Variants in CSF1 observed in about 807,000 individuals in gnomAD.
CSF1 encodes the protein macrophage colony-stimulating factor 1.
In CSF1, 9 loss-of-function variants were observed where a neutral mutation model predicts 48.9. The observed-to-expected ratio is 0.18, with a 90% CI of 0.11 to 0.32. The LOEUF (loss-of-function observed/expected upper bound fraction) is 0.32. Ranked by LOEUF, CSF1 falls within the 10% of genes least tolerant of loss-of-function variation. CSF1 has a pLI of 1.00. For missense variants in CSF1, 672 were observed against 697.9 expected, an observed-to-expected ratio of 0.96 and a Z score of 0.42; for synonymous variants, 305 against 284.1, an observed-to-expected ratio of 1.07 and a Z score of -0.74.
In CSF1 at chr1:109,924,143, G is replaced by A; in HGVS notation, c.1522G>A (p.Val508Ile). The change falls in exon 6 of 9, where the codon GTC becomes ATC. Residue 508 changes from valine to isoleucine, a missense_variant. Val to Ile is a conservative substitution (Grantham distance 29). Around this residue, in one of 3 missense-constraint regions of CSF1, gnomAD observed 591 missense variants for 593.6 expected, o/e 1.00. Coordinates refer to ENST00000329608, the MANE Select transcript of CSF1 (RefSeq NM_000757.6). ...FHLLVPSVIL[V>I]LLAVGGLLFY... ...CCTGCTGGTGCCCAGTGTCATCCTG[G>A]TCTTGCTGGCCGTCGGAGGCCTCTT... is the stretch of plus-strand genomic sequence containing the variant. 1 of 1,613,862 alleles carries A rather than the reference G, an allele frequency of 6.2e-7. No individual in the cohort carries two copies. Among genetic ancestry groups the A allele is most frequent in the Non-Finnish European group, 8.5e-7 (1 of 1,179,892 alleles).
intron 1 of CSF1, 129 bp downstream of exon 1, chr1:109,911,191 G>A: frequency 7.4e-6 from 4 of 541,192 alleles, no homozygotes; most frequent in South Asian, 8.0e-5. Flanking sequence ...CGTTCCCGCC[G>A]CGGACGAACC....
At chr1:109,915,192 G>A (rs1654845089) in intron 2 of CSF1, among the ~76,000 whole-genome samples, 2 of 152,208 alleles carry the variant, frequency 1.3e-5, no homozygotes, top group Admixed American at 1.3e-4. Context: ...ATTCTCTGAG[G>A]CTTAAAATCC....
chr1:109,912,032 T>TA (rs994962668), intron 1 of CSF1, among the ~76,000 whole-genome samples: 4 of 146,888 alleles, frequency 2.7e-5, no homozygotes, highest in African/African-American at 1.0e-4. Context: ...TATTTGGGGG[T>TA]AGAGGAGAGC....
At chr1:109,924,653 T>A (rs977227584) in intron 6 of CSF1, 123 bp from the exon 7 acceptor site, 2 of 825,452 alleles carry the variant, frequency 2.4e-6, no homozygotes, top group Admixed American at 4.8e-5. Flanking sequence ...TCCCCACTTT[T>A]GGGAAGTTGG....
intron 4 of CSF1, 92 bp from the exon 5 acceptor site, chr1:109,921,755 G>C: frequency 1.4e-6 from 2 of 1,415,708 alleles, no homozygotes; most frequent in African/African-American, 1.4e-5. Context: ...AAAGAAGACA[G>C]ATGTGAGAAA....
chr1:109,919,947 TAAA>T (rs1647450157), intron 4 of CSF1, among the ~76,000 whole-genome samples: 1 of 17,036 alleles, frequency 5.9e-5, no homozygotes, highest in South Asian at 3.5e-3. Flanking sequence ...AATAAATAAA[TAAA>T]TAAATAAATA....
At position 109,923,505 on chromosome 1, in the gene CSF1, T is replaced by C; in HGVS notation, c.884T>C (p.Leu295Pro). ...GAFNPGMEDI[L>P]DSAMGTNWVP... ...TTCAACCCCGGGATGGAGGATATTC[T>C]TGACTCTGCAATGGGCACTAATTGG... The change falls in exon 6 of 9, where the codon CTT becomes CCT. Residue 295 changes from leucine (L) to proline (P), a missense_variant. Physicochemically the swap from Leu to Pro is moderately conservative, Grantham distance 98 (BLOSUM62 -3). Transcript: ENST00000329608. The C allele has an allele frequency of 1.2e-6, 2 of 1,614,128 alleles. No homozygotes were observed. Among genetic ancestry groups the C allele is most frequent in the Non-Finnish European group, 1.7e-6 (2 of 1,180,006 alleles).
chr1:109,923,565 T>C lies in CSF1; in HGVS notation c.944T>C (p.Ile315Thr), dbSNP rs1647676215. 1.2e-6 allele frequency: 2 copies of C among 1,614,068 alleles called. No individual in the cohort carries two copies. The highest frequency in any genetic ancestry group is 3.3e-5 in the Admixed American group (2 of 60,010). ...GAAGCCTCTGGAGAGGCCAGTGAGA[T>C]TCCCGTACCCCAAGGGACAGAGCTT... ...PEEASGEASE[I>T]PVPQGTELSP... Residue 315 changes from isoleucine to threonine, a missense_variant, in exon 6 of 9, where the codon ATT becomes ACT. Transcript: ENST00000329608.
At chr1:109,925,225 C>T (rs200190258) in intron 8 of CSF1, 23 bp downstream of exon 8, 14 of 1,606,352 alleles carry the variant, frequency 8.7e-6, no homozygotes, top group Non-Finnish European at 1.1e-5. Context: ...CTTTGATCTC[C>T]ACTCCTAAAA....
Position 109,924,050 on chromosome 1 carries a change from A to G in CSF1, c.1429A>G (p.Thr477Ala). 6.2e-7 allele frequency: 1 copy of G among 1,614,192 alleles called. No individual in the cohort carries two copies. The highest frequency in any genetic ancestry group is 8.5e-7 in the Non-Finnish European group (1 of 1,180,024). Residue 477 changes from threonine to alanine, a missense_variant, in exon 6 of 9, where the codon ACT (threonine) becomes GCT (alanine). Thr to Ala is a moderately conservative substitution (Grantham distance 58, BLOSUM62 0). Around this residue, in one of 3 missense-constraint regions of CSF1, gnomAD observed 591 missense variants for 593.6 expected, o/e 1.00. Coordinates refer to ENST00000329608, the MANE Select transcript of CSF1 (RefSeq NM_000757.6). The stretch of plus-strand genomic sequence containing the variant: ...GCCCCGTTTTAACTCCGTTCCTTTG[A>G]CTGACACAGGCCATGAGAGGCAGTC... ...PLPRFNSVPL[T>A]DTGHERQSEG...
chr1:109,912,895 T>C (rs1246525364), intron 1 of CSF1, among the ~76,000 whole-genome samples: 1 of 146,384 alleles, frequency 6.8e-6, no homozygotes, highest in African/African-American at 2.6e-5. Context: ...ACACTTTCCC[T>C]CCCTCAGATC....
chr1:109,920,170 AGAGT>A (rs1647462790), intron 4 of CSF1, among the ~76,000 whole-genome samples: 2 of 150,620 alleles, frequency 1.3e-5, no homozygotes, highest in South Asian at 4.2e-4. Context: ...CTCCTGAGGG[AGAGT>A]GAGAGTGAGA....
chr1:109,924,332 T>C, intron 6 of CSF1, 142 bp downstream of exon 6: 2 of 708,620 alleles, frequency 2.8e-6, no homozygotes, highest in Non-Finnish European at 4.6e-6. Context: ...GCACAGAGGA[T>C]GAGAGGTGGA....
intron 8 of CSF1, among the ~76,000 whole-genome samples, chr1:109,927,064 TAACC>T (rs1176619351): frequency 6.6e-6 from 1 of 152,226 alleles, no homozygotes; most frequent in Non-Finnish European, 1.5e-5. Context: ...GGTGAATGAC[TAACC>T]AACCAACTAT....
intron 8 of CSF1, chr1:109,925,930 A>T (rs1647826576): frequency 6.6e-6 from 1 of 152,318 alleles, no homozygotes; most frequent in Non-Finnish European, 1.5e-5. Context: ...TGCCCCCTCC[A>T]TACTGCTCCT....
intron 1 of CSF1, among the ~76,000 whole-genome samples, chr1:109,912,386 T>G (rs921206211): frequency 6.6e-6 from 1 of 152,090 alleles, no homozygotes; most frequent in Admixed American, 6.5e-5. Context: ...TTCTGAGGGC[T>G]GCTCCCCAGG....
chr1:109,917,152 G>A (rs969747447), intron 3 of CSF1, 141 bp from the exon 4 acceptor site: 16 of 794,178 alleles, frequency 2.0e-5, no homozygotes, highest in East Asian at 9.9e-5. Flanking sequence ...AGCTGAGGGC[G>A]GCATTCTCCT....
In CSF1 at chr1:109,923,236, C is replaced by G. The variant is rs752363763; in HGVS notation, c.615C>G (p.Val205=). 1 of 1,577,278 alleles carries G rather than the reference C, an allele frequency of 6.3e-7. No homozygotes were observed. The highest frequency in any genetic ancestry group is 8.6e-7 in the Non-Finnish European group (1 of 1,163,036). ...KAIPSSDPAS[V]SPHQPLAPSM... ...TCCCTAGCAGTGACCCGGCCTCTGT[C>G]TCCCCTCATCAGCCCCTCGCCCCCT... Residue 205 remains valine (V), a synonymous_variant, in exon 6 of 9, where the codon GTC becomes GTG. Coordinates refer to ENST00000329608, the MANE Select transcript of CSF1 (RefSeq NM_000757.6).
At chr1:109,921,226 T>C (rs1647521160) in intron 4 of CSF1, among the ~76,000 whole-genome samples, 1 of 152,236 alleles carries the variant, frequency 6.6e-6, no homozygotes, top group South Asian at 2.1e-4. Context: ...CCTCAAGACC[T>C]GGCCCTTGCT....
Sources: gnomAD v4.1 joint callset for allele counts (sites outside exome capture counted in the v4.1 genomes callset) on GRCh38, gnomAD v4.1.1 for gene constraint, gnomAD v4.1.1 regional missense constraint, MANE v1.5 for transcripts, NCBI Gene and HGNC (gene_info 2026-07-23, HGNC 2026-07-21) for gene names.